Variants in ECHDC3 observed in about 807,000 individuals in gnomAD.
The protein encoded by ECHDC3 is enoyl-CoA hydratase domain containing 3, also known as enoyl-CoA hydratase domain-containing protein 3, mitochondrial.
In ECHDC3, 20 loss-of-function variants were observed where a neutral mutation model predicts 17.9. The ratio of observed to expected loss-of-function variants is 1.12; its 90% CI spans 0.79 to 1.63. The LOEUF (loss-of-function observed/expected upper bound fraction) is 1.63, where lower values mean the gene tolerates loss of function less well. Ranked by LOEUF, ECHDC3 falls within the 40% of genes most tolerant of loss-of-function variation. The pLI, the probability that ECHDC3 is intolerant of heterozygous loss-of-function variation, is 0.00. For missense variants in ECHDC3, 407 were observed against 357.7 expected, an observed-to-expected ratio of 1.14 and a Z score of -1.11; for synonymous variants, 177 against 149.7, an observed-to-expected ratio of 1.18 and a Z score of -1.33.
intron 1 of ECHDC3, 157 bp from the exon 2 acceptor site, chr10:11,747,192 C>G (rs1426351482): frequency 2.2e-6 from 2 of 911,538 alleles, no homozygotes; most frequent in East Asian, 6.4e-5. Context: ...TTGGCTGTAA[C>G]TCCAGAGAGT....
At chr10:11,747,808 T>C (rs1188945624) in intron 2 of ECHDC3, among the ~76,000 whole-genome samples, 4 of 152,246 alleles carry the variant, frequency 2.6e-5, no homozygotes, top group Non-Finnish European at 5.9e-5. Flanking sequence ...ACTAATCCTT[T>C]GGCGCATTTG....
At chr10:11,750,332 AG>A (rs1382378925) in intron 3 of ECHDC3, among the ~76,000 whole-genome samples, 4 of 152,372 alleles carry the variant, frequency 2.6e-5, no homozygotes, top group South Asian at 4.1e-4. Flanking sequence ...TAAATGGGAA[AG>A]AACATTAATA....
At chr10:11,759,289 G>A (rs1164528912) in intron 4 of ECHDC3, among the ~76,000 whole-genome samples, 1 of 151,650 alleles carries the variant, frequency 6.6e-6, no homozygotes, top group Non-Finnish European at 1.5e-5. Context: ...TGGAGGCGGA[G>A]GTTGCAGTGA....
At chr10:11,749,172 C>T (rs983448656) in intron 2 of ECHDC3, among the ~76,000 whole-genome samples, 4 of 152,098 alleles carry the variant, frequency 2.6e-5, no homozygotes, top group East Asian at 1.9e-4. Context: ...AGAGCGAGTC[C>T]CCAAATAAAG....
intron 1 of ECHDC3, among the ~76,000 whole-genome samples, chr10:11,745,278 C>T (rs1040964212): frequency 6.6e-6 from 1 of 152,110 alleles, no homozygotes; most frequent in African/African-American, 2.4e-5. Flanking sequence ...GCACAATGGC[C>T]TCGGGGGCTG....
chr10:11,756,722 T>C (rs1325646429), intron 4 of ECHDC3, among the ~76,000 whole-genome samples: 6 of 152,056 alleles, frequency 3.9e-5, no homozygotes, highest in African/African-American at 1.4e-4. Context: ...TCTGTCAAGA[T>C]AGACACTTAC....
intron 3 of ECHDC3, among the ~76,000 whole-genome samples, chr10:11,753,805 C>T (rs1832855082): frequency 6.6e-6 from 1 of 150,474 alleles, no homozygotes; most frequent in Non-Finnish European, 1.5e-5. Context: ...GACAGAGTCT[C>T]ACTGTGTCAC....
intron 4 of ECHDC3, among the ~76,000 whole-genome samples, chr10:11,756,442 G>A (rs1293227605): frequency 6.6e-6 from 1 of 152,238 alleles, no homozygotes; most frequent in Non-Finnish European, 1.5e-5. Context: ...AGCATCAGCT[G>A]TGAAAATCAG....
At position 11,747,373 on chromosome 10, in the gene ECHDC3, G is replaced by A. The variant is rs1047381622; in HGVS notation, c.195G>A (p.Lys65=). The A allele has an allele frequency of 1.2e-6, 2 of 1,613,874 alleles. No individual in the cohort carries two copies. Among genetic ancestry groups the A allele is most frequent in the African/African-American group, 2.7e-5 (2 of 74,912 alleles). The part of the protein sequence containing the change: ...GIRNIVLSNP[K]KRNALSLAML... ...GGAACATCGTCTTGAGCAATCCCAAGAAGAGGAACGCGTTGTCACTTGCAA... is the reference window on the plus strand; with the variant it reads ...GGAACATCGTCTTGAGCAATCCCAAAAAGAGGAACGCGTTGTCACTTGCAA... The change falls in exon 2 of 5, where the codon AAG becomes AAA. Residue 65 remains lysine (K), a synonymous_variant. Coordinates refer to ENST00000379215, the MANE Select transcript of ECHDC3 (RefSeq NM_024693.5).
In ECHDC3 at chr10:11,749,561, A is replaced by T. The variant is rs779057310; in HGVS notation, c.359A>T (p.Tyr120Phe). The T allele has an allele frequency of 6.8e-6, 11 of 1,614,148 alleles. No individual in the cohort carries two copies. Among genetic ancestry groups the T allele is most frequent in the Non-Finnish European group, 9.3e-6 (11 of 1,180,032 alleles). ...KELTEEQGRDYHAEVFQTCSK... is the reference protein window; with the variant it reads ...KELTEEQGRDFHAEVFQTCSK... ...CTGACAGAGGAGCAAGGCCGTGATT[A>T]CCATGCCGAAGTATTTCAGACCTGT... Residue 120 changes from tyrosine (Y) to phenylalanine (F), a missense_variant, in exon 3 of 5, where the codon TAC (tyrosine) becomes TTC (phenylalanine). By Grantham distance (22) the Tyr-to-Phe change is conservative. Transcript: ENST00000379215.
intron 2 of ECHDC3, among the ~76,000 whole-genome samples, chr10:11,748,203 A>T (rs1832783622): frequency 6.7e-6 from 1 of 149,826 alleles, no homozygotes; most frequent in Admixed American, 6.8e-5. Context: ...TGTTACCTGG[A>T]TACAGCAAAG....
intron 1 of ECHDC3, 71 bp from the exon 2 acceptor site, chr10:11,747,278 A>G (rs778796472): frequency 6.3e-7 from 1 of 1,578,062 alleles, no homozygotes; most frequent in Non-Finnish European, 8.6e-7. Context: ...CCTAAATTAG[A>G]CAGGAATCGC....
intron 4 of ECHDC3, among the ~76,000 whole-genome samples, chr10:11,762,810 G>T (rs1331517688): frequency 6.6e-6 from 1 of 152,158 alleles, no homozygotes; most frequent in Admixed American, 6.5e-5. Flanking sequence ...CCCCGTGACT[G>T]CTTATTGTGG....
chr10:11,744,015 T>A (rs1480212601), intron 1 of ECHDC3, among the ~76,000 whole-genome samples: 1 of 152,216 alleles, frequency 6.6e-6, no homozygotes, highest in Non-Finnish European at 1.5e-5. Context: ...CAGGTGAACT[T>A]GAGCAAGAAC....
Position 11,747,420 on chromosome 10 carries a change from A to T in ECHDC3, c.242A>T (p.Asp81Val), listed in dbSNP as rs765998122. 2 of 1,614,044 alleles carry T rather than the reference A, an allele frequency of 1.2e-6. No individual in the cohort carries two copies. Among genetic ancestry groups the T allele is most frequent in the Non-Finnish European group, 1.7e-6 (2 of 1,179,990 alleles). Residue 81 changes from aspartate to valine, a missense_variant, in exon 2 of 5, where the codon GAC (aspartate) becomes GTC (valine). Asp to Val is a radical substitution (Grantham distance 152). Coordinates refer to ENST00000379215, the MANE Select transcript of ECHDC3 (RefSeq NM_024693.5). ...GCAATGCTGAAGTCTCTCCAAAGTGACATTCTTCATGACGCTGACAGCAAC... is the reference window on the plus strand; with the variant it reads ...GCAATGCTGAAGTCTCTCCAAAGTGTCATTCTTCATGACGCTGACAGCAAC... ...SLAMLKSLQS[D>V]ILHDADSNDL... is the part of the protein sequence containing the mutation.
At chr10:11,750,435 C>T (rs1009962618) in intron 3 of ECHDC3, among the ~76,000 whole-genome samples, 2 of 152,122 alleles carry the variant, frequency 1.3e-5, no homozygotes, top group East Asian at 1.9e-4. Flanking sequence ...GAAAATTAAC[C>T]TCTTCGTTGT....
intron 1 of ECHDC3, among the ~76,000 whole-genome samples, chr10:11,743,595 C>G (rs1832720767): frequency 6.6e-6 from 1 of 152,244 alleles, no homozygotes; most frequent in Non-Finnish European, 1.5e-5. Context: ...CCCTCATGCT[C>G]TACAGACAGC....
intron 1 of ECHDC3, among the ~76,000 whole-genome samples, chr10:11,743,516 A>G (rs1337209864): frequency 1.3e-5 from 2 of 151,772 alleles, no homozygotes; most frequent in Non-Finnish European, 1.5e-5. Context: ...ATCCTTTCCT[A>G]CCTTTGCACC....
At chr10:11,749,385 C>G (rs561794125) in intron 2 of ECHDC3, 110 bp from the exon 3 acceptor site, 4 of 957,616 alleles carry the variant, frequency 4.2e-6, no homozygotes, top group Admixed American at 2.4e-5. Flanking sequence ...TTAACTTGCT[C>G]TAAGTGAAAG....
Sources: allele counts gnomAD v4.1 joint callset (sites outside exome capture counted in the v4.1 genomes callset), GRCh38; gene constraint gnomAD v4.1.1; transcripts MANE v1.5; gene names NCBI Gene and HGNC (gene_info 2026-07-23, HGNC 2026-07-21).